The following PPP2R1A variants were observed in gnomAD, a reference collection of about 807,000 sequenced individuals.
PPP2R1A encodes protein phosphatase 2 scaffold subunit Aalpha.
PPP2R1A carries 15 observed loss-of-function variants against 67.1 expected under a neutral mutation model. The observed-to-expected ratio is 0.22, with a 90% CI of 0.15 to 0.34. The LOEUF (loss-of-function observed/expected upper bound fraction) is 0.34. PPP2R1A is among the 10% of genes least tolerant of loss of function. The probability of loss-of-function intolerance (pLI) is 1.00; values close to 1 mark genes in which losing one functional copy is unlikely to be tolerated. For missense variants in PPP2R1A, 369 were observed against 775.0 expected, an observed-to-expected ratio of 0.48 and a Z score of 6.22; for synonymous variants, 337 against 325.0, an observed-to-expected ratio of 1.04 and a Z score of -0.40.
At position 52,220,929 on chromosome 19, in the gene PPP2R1A, C is replaced by T. The variant is rs369500114; in HGVS notation, c.1364-50C>T. The T allele has an allele frequency of 3.1e-6, 5 of 1,600,814 alleles. No individual in the cohort carries two copies. In the African/African-American group the frequency reaches 5.4e-5, roughly 17 times the overall value. ...AGTGTGACCTACATTTTGCCCACAT[C>T]AGTTCTTCACCTCCAAATCCCTGTC... is the stretch of plus-strand genomic sequence containing the variant. On this transcript the variant is annotated intron_variant, in intron 11 of 14. Coordinates refer to ENST00000322088, the MANE Select transcript of PPP2R1A (RefSeq NM_014225.6).
rs1349094682 is a variant in PPP2R1A at position 52,226,820 on chromosome 19, G to A, written c.*839G>A. On this transcript the variant is annotated 3_prime_UTR_variant, in exon 15 of 15. Transcript: ENST00000322088. The stretch of plus-strand genomic sequence containing the variant: ...CAGTAATACCTAGATTGCAGGGTGG[G>A]TGGCGAGGACCAAGTGAATTAGTAC... 1 of 152,440 alleles carries A rather than the reference G, an allele frequency of 6.6e-6. No individual in the cohort carries two copies. The highest frequency in any genetic ancestry group is 2.4e-5 in the African/African-American group (1 of 41,434). 9.4% of individuals were successfully genotyped at this position (152,440 alleles called of 1,614,324 possible). A position where few individuals can be genotyped will look rare whatever the true frequency, so the allele number is the denominator to read the frequency against.
intron 1 of PPP2R1A, among the ~76,000 whole-genome samples, chr19:52,192,558 C>T (rs1300106723): frequency 1.3e-5 from 2 of 152,088 alleles, no homozygotes; most frequent in Non-Finnish European, 2.9e-5. Flanking sequence ...AGGTGATCCT[C>T]CTGCCTCGGC....
At chr19:52,193,514 G>T (rs1350770766) in intron 1 of PPP2R1A, among the ~76,000 whole-genome samples, 1 of 152,232 alleles carries the variant, frequency 6.6e-6, no homozygotes, top group Non-Finnish European at 1.5e-5. Context: ...TGGGATGTCA[G>T]TGGCAGTAAT....
intron 13 of PPP2R1A, among the ~76,000 whole-genome samples, chr19:52,224,046 A>G (rs774293942): frequency 6.6e-6 from 1 of 152,242 alleles, no homozygotes; most frequent in African/African-American, 2.4e-5. Flanking sequence ...AATGCCTGCT[A>G]TAAGCAGCAA....
Position 52,219,590 on chromosome 19 carries a change from G to T in PPP2R1A, c.1129-101G>T, listed in dbSNP as rs539396559. On this transcript the variant is annotated intron_variant, in intron 9 of 14. Transcript: ENST00000322088. This position sits in a 1 kb window ranked among gnomAD's most constrained non-coding sequence, Gnocchi z 4.0. Reference sequence around the variant, plus strand: ...TGGGCTTGGACAGGAGTAGTCCCTCGGGAGATGTCCATAAAAGTTGATGCA... The same window carrying T: ...TGGGCTTGGACAGGAGTAGTCCCTCTGGAGATGTCCATAAAAGTTGATGCA... 8 of 1,262,016 alleles carry T rather than the reference G, an allele frequency of 6.3e-6. No individual in the cohort carries two copies. In the Admixed American group the frequency reaches 1.8e-4, roughly 28 times the overall value. 78.2% of individuals were successfully genotyped at this position (1,262,016 alleles called of 1,614,324 possible). A position where few individuals can be genotyped will look rare whatever the true frequency, so the allele number is the denominator to read the frequency against.
At chr19:52,201,854 TC>T in intron 1 of PPP2R1A, 89 bp from the exon 2 acceptor site, 1 of 1,239,860 alleles carries the variant, frequency 8.1e-7, no homozygotes, top group Non-Finnish European at 1.2e-6. Flanking sequence ...AAGCAAGGCT[TC>T]CAGGGGCTGA....
chr19:52,204,914 A>G (rs536736677), intron 2 of PPP2R1A, among the ~76,000 whole-genome samples: 1 of 152,334 alleles, frequency 6.6e-6, no homozygotes, highest in East Asian at 1.9e-4. Context: ...AAAGGCTCAG[A>G]GAGATGAAGT....
intron 12 of PPP2R1A, 110 bp downstream of exon 12, chr19:52,221,243 A>T (rs1237823537): frequency 2.1e-6 from 3 of 1,442,612 alleles, no homozygotes; most frequent in African/African-American, 2.8e-5. Flanking sequence ...GAATGGAGAC[A>T]TGGAGTGCAT....
At chr19:52,221,214 A>G (rs1978906059) in intron 12 of PPP2R1A, 81 bp downstream of exon 12, 5 of 1,561,172 alleles carry the variant, frequency 3.2e-6, no homozygotes, top group Non-Finnish European at 1.8e-6. Flanking sequence ...GGGTTCCCCA[A>G]GGGAGACACC....
At chr19:52,195,698 A>G (rs1234954792) in intron 1 of PPP2R1A, among the ~76,000 whole-genome samples, 3 of 152,214 alleles carry the variant, frequency 2.0e-5, no homozygotes, top group African/African-American at 2.4e-5. Flanking sequence ...TTATCAGTTC[A>G]TTATAAAGGA....
intron 1 of PPP2R1A, among the ~76,000 whole-genome samples, chr19:52,198,677 T>C (rs545881685): frequency 2.4e-4 from 36 of 152,340 alleles, no homozygotes; most frequent in African/African-American, 8.7e-4. Flanking sequence ...CTTTGGTTTT[T>C]ATGGAAGCTT....
At chr19:52,191,237 G>A (rs1463678650) in intron 1 of PPP2R1A, 1 of 152,298 alleles carries the variant, frequency 6.6e-6, no homozygotes, top group Non-Finnish European at 1.5e-5. Context: ...AGAACAGTTA[G>A]AACTGCAAGT....
At position 52,211,553 on chromosome 19, in the gene PPP2R1A, C is replaced by A; in HGVS notation, c.503+61C>A. Reference sequence around the variant, plus strand: ...ATCTCAGCTCCAACCTTCTCTAAAGCCTCAGACTCCTTTTGGTCTAGCTGG... The same window carrying A: ...ATCTCAGCTCCAACCTTCTCTAAAGACTCAGACTCCTTTTGGTCTAGCTGG... On this transcript the variant is annotated intron_variant, in intron 4 of 14. Transcript: ENST00000322088. This position sits in a 1 kb window ranked among gnomAD's most constrained non-coding sequence, Gnocchi z 5.3. 6.6e-7 allele frequency: 1 copy of A among 1,515,516 alleles called. No individual in the cohort carries two copies. The allele number at this position is 1,515,516 out of a possible 1,614,324, so 93.9% of individuals were successfully genotyped here. A position where few individuals can be genotyped will look rare whatever the true frequency, so the allele number is the denominator to read the frequency against.
intron 2 of PPP2R1A, among the ~76,000 whole-genome samples, chr19:52,204,795 C>T (rs2089586084): frequency 6.6e-6 from 1 of 152,112 alleles, no homozygotes; most frequent in African/African-American, 2.4e-5. Flanking sequence ...AGATACTAAC[C>T]CTCCTACTGG....
At chr19:52,220,440 A>C (rs990714761) in intron 11 of PPP2R1A, among the ~76,000 whole-genome samples, 191 bp downstream of exon 11, 1 of 152,120 alleles carries the variant, frequency 6.6e-6, no homozygotes, top group Non-Finnish European at 1.5e-5. Flanking sequence ...GAAACAGATC[A>C]CCCAGGGGTT....
intron 1 of PPP2R1A, chr19:52,190,440 T>A: frequency 1.8e-6 from 1 of 553,092 alleles, no homozygotes; most frequent in South Asian, 2.1e-5. Flanking sequence ...TCCTGGGAGG[T>A]TGTGGCCAGG....
chr19:52,198,365 T>C (rs2122290407), intron 1 of PPP2R1A, among the ~76,000 whole-genome samples: 1 of 152,210 alleles, frequency 6.6e-6, no homozygotes, highest in Non-Finnish European at 1.5e-5. Context: ...GGAAGGGAGC[T>C]CTCTGGATGG....
chr19:52,191,177 G>A (rs2089451260), intron 1 of PPP2R1A: 1 of 152,274 alleles, frequency 6.6e-6, no homozygotes, highest in Admixed American at 6.5e-5. Flanking sequence ...AACATTCCTG[G>A]TTATGGGATG....
chr19:52,190,227 C>G lies in PPP2R1A; in HGVS notation c.78+53C>G, dbSNP rs754465638. The G allele has an allele frequency of 1.6e-5, 25 of 1,528,222 alleles. No homozygotes were observed. In the South Asian group the frequency reaches 2.5e-4, roughly 15 times the overall value. The allele number at this position is 1,528,222 out of a possible 1,614,324, so 94.7% of individuals were successfully genotyped here. ...AGACGCGGAGGGGTACCTGGGGGCA[C>G]GGGCGGCCCTCGCGGAGAAGACTCA... is the stretch of plus-strand genomic sequence containing the variant. On this transcript the variant is annotated intron_variant, in intron 1 of 14. Coordinates refer to ENST00000322088, the MANE Select transcript of PPP2R1A (RefSeq NM_014225.6).
Sources: allele counts gnomAD v4.1 joint callset (sites outside exome capture counted in the v4.1 genomes callset), GRCh38; gene constraint gnomAD v4.1.1; non-coding constraint Gnocchi (gnomAD v3.1); transcripts MANE v1.5; gene names NCBI Gene and HGNC (gene_info 2026-07-23, HGNC 2026-07-21).